The following PHF21B variants were observed in gnomAD, a reference collection of about 807,000 sequenced individuals.
PHF21B encodes PHD finger protein 21B, also known as PHD finger protein 4.
In PHF21B, 22 loss-of-function variants were observed where a neutral mutation model predicts 62.2. That is an observed-to-expected ratio of 0.35 (90% CI 0.25 to 0.51). The LOEUF (loss-of-function observed/expected upper bound fraction) is 0.51, where lower values mean the gene tolerates loss of function less well. Ranked by LOEUF, PHF21B falls within the 20% of genes least tolerant of loss-of-function variation. The pLI, the probability that PHF21B is intolerant of heterozygous loss-of-function variation, is 0.97. For missense variants in PHF21B, 701 were observed against 707.9 expected (o/e 0.99, Z 0.11); for synonymous variants, 341 against 314.7 (o/e 1.08, Z -0.88).
At chr22:44,928,191 C>T (rs1219776446) in intron 2 of PHF21B, among the ~76,000 whole-genome samples, 4 of 152,152 alleles carry the variant, frequency 2.6e-5, no homozygotes, top group Non-Finnish European at 5.9e-5. Flanking sequence ...CGGGACCCCT[C>T]AGCTCTTCCC....
intron 8 of PHF21B, among the ~76,000 whole-genome samples, chr22:44,890,432 T>C (rs2070942844): frequency 6.6e-6 from 1 of 152,206 alleles, no homozygotes; most frequent in South Asian, 2.1e-4. Context: ...GGGAGAACAG[T>C]TCCGGAGTCT....
At chr22:44,994,024 A>G (rs2073081217) in intron 2 of PHF21B, among the ~76,000 whole-genome samples, 1 of 152,252 alleles carries the variant, frequency 6.6e-6, no homozygotes, top group African/African-American at 2.4e-5. Flanking sequence ...ACGGGTTCAT[A>G]GTTTGTCCAT....
intron 2 of PHF21B, among the ~76,000 whole-genome samples, chr22:44,948,877 T>C (rs1175421931): frequency 6.6e-6 from 1 of 152,226 alleles, no homozygotes; most frequent in Non-Finnish European, 1.5e-5. Flanking sequence ...ATTTGCAGTC[T>C]CAAGCAGTTG....
intron 2 of PHF21B, among the ~76,000 whole-genome samples, chr22:44,924,087 G>A (rs1023609076): frequency 7.5e-5 from 7 of 93,766 alleles, no homozygotes; most frequent in African/African-American, 2.2e-4. Context: ...GAAGAGGGGA[G>A]GAAGGAGGAG....
intron 2 of PHF21B, among the ~76,000 whole-genome samples, chr22:44,997,841 AG>A (rs2073148020): frequency 1.3e-5 from 2 of 152,148 alleles, no homozygotes; most frequent in African/African-American, 4.8e-5. Flanking sequence ...CGGCCTCCTC[AG>A]GGAGGTCCCA....
At chr22:45,000,558 C>T (rs889477865) in intron 2 of PHF21B, 1 of 152,120 alleles carries the variant, frequency 6.6e-6, no homozygotes, top group African/African-American at 2.4e-5. Context: ...ATGGGACTAC[C>T]AAAGTTATTA....
chr22:44,976,293 A>G (rs1247205713), intron 2 of PHF21B, among the ~76,000 whole-genome samples: 1 of 152,240 alleles, frequency 6.6e-6, no homozygotes, highest in East Asian at 1.9e-4. Flanking sequence ...CCATCGCCTC[A>G]TACATTTATT....
At chr22:44,978,139 C>A (rs1797765813) in intron 2 of PHF21B, among the ~76,000 whole-genome samples, 1 of 152,102 alleles carries the variant, frequency 6.6e-6, no homozygotes, top group Admixed American at 6.5e-5. Context: ...GTAATAATTT[C>A]TCTATGGGAA....
intron 2 of PHF21B, among the ~76,000 whole-genome samples, chr22:44,928,545 G>A (rs1406679511): frequency 6.6e-6 from 1 of 152,100 alleles, no homozygotes; most frequent in African/African-American, 2.4e-5. Context: ...GAGTAGCTGG[G>A]ATTACAGGCG....
chr22:44,881,694 G>C lies in PHF21B; in HGVS notation c.*1392C>G, dbSNP rs553783057. ...CATGCGTGTCTGTGGTCGTGGCCGC[G>C]TGCGATGCACACACGCGTGTTCAGT... On this transcript the variant is annotated 3_prime_UTR_variant, in exon 13 of 13. Transcript: ENST00000313237. 2 of 152,668 alleles carry C rather than the reference G, an allele frequency of 1.3e-5. No homozygotes were observed. The highest frequency in any genetic ancestry group is 2.9e-5 in the Non-Finnish European group (2 of 68,050). 9.5% of individuals were successfully genotyped at this position (152,668 alleles called of 1,614,324 possible).
intron 2 of PHF21B, among the ~76,000 whole-genome samples, chr22:45,000,102 C>T (rs555180178): frequency 2.6e-5 from 4 of 152,186 alleles, no homozygotes; most frequent in South Asian, 2.1e-4. Flanking sequence ...CGGAAGGAGC[C>T]GGCAAAGGAT....
At chr22:44,906,744 A>G (rs540213047) in intron 5 of PHF21B, among the ~76,000 whole-genome samples, 1 of 152,176 alleles carries the variant, frequency 6.6e-6, no homozygotes, top group South Asian at 2.1e-4. Context: ...CTCGTCTGTA[A>G]AATGAACCTT....
chr22:44,991,793 A>G (rs1023387604), intron 2 of PHF21B, among the ~76,000 whole-genome samples: 1 of 152,142 alleles, frequency 6.6e-6, no homozygotes, highest in African/African-American at 2.4e-5. Flanking sequence ...CATAAGCAGG[A>G]CTCACCTGGG....
At chr22:44,984,193 A>AGCG in intron 2 of PHF21B, among the ~76,000 whole-genome samples, 1 of 28,912 alleles carries the variant, frequency 3.5e-5, no homozygotes, top group East Asian at 6.1e-4. Context: ...CACCATCATC[A>AGCG]CCACCACTAC....
At chr22:44,962,485 AAGTG>A (rs1441539198) in intron 2 of PHF21B, among the ~76,000 whole-genome samples, 11 of 152,382 alleles carry the variant, frequency 7.2e-5, no homozygotes, top group Admixed American at 7.2e-4. Flanking sequence ...CTAGCATTGC[AAGTG>A]AGTATCACAT....
chr22:45,007,098 G>A (rs1184665091), intron 2 of PHF21B, among the ~76,000 whole-genome samples: 1 of 151,436 alleles, frequency 6.6e-6, no homozygotes, highest in Admixed American at 6.6e-5. Flanking sequence ...GCGCGCGGCC[G>A]GGGGCGGGGG....
intron 2 of PHF21B, among the ~76,000 whole-genome samples, chr22:44,963,292 C>A (rs2072461159): frequency 6.6e-6 from 1 of 152,246 alleles, no homozygotes; most frequent in African/African-American, 2.4e-5. Context: ...GCTCACACCA[C>A]TGCAGCGGCC....
chr22:44,919,889 G>A (rs1033307068), intron 3 of PHF21B, among the ~76,000 whole-genome samples: 15 of 152,230 alleles, frequency 9.9e-5, no homozygotes, highest in African/African-American at 2.9e-4. Context: ...GGAAGGCTGA[G>A]AGGTCAGGTG....
At chr22:44,958,831 G>A (rs2072358025) in intron 2 of PHF21B, among the ~76,000 whole-genome samples, 1 of 151,874 alleles carries the variant, frequency 6.6e-6, no homozygotes, top group African/African-American at 2.4e-5. Context: ...TGTAGAGACG[G>A]GGTTTCACCA....
Sources: gnomAD v4.1 joint callset for allele counts (sites outside exome capture counted in the v4.1 genomes callset) on GRCh38, gnomAD v4.1.1 for gene constraint, MANE v1.5 for transcripts, NCBI Gene and HGNC (gene_info 2026-07-23, HGNC 2026-07-21) for gene names.